TBL1XR1: variants seen among roughly 807,000 people sequenced by gnomAD.
The protein encoded by TBL1XR1 is TBL1X/Y related 1.
Under a neutral mutation model 66.9 loss-of-function variants are expected in TBL1XR1, and 5 were observed. That is an observed-to-expected ratio of 0.07 (90% CI 0.04 to 0.16). The LOEUF (loss-of-function observed/expected upper bound fraction) is 0.16, where lower values mean the gene tolerates loss of function less well. Among genes scored for constraint, TBL1XR1 ranks in the 10% least tolerant of loss-of-function variants. The pLI is 1.00. For missense variants in TBL1XR1, 238 were observed against 623.2 expected, an observed-to-expected ratio of 0.38 and a Z score of 6.58; for synonymous variants, 210 against 206.0, an observed-to-expected ratio of 1.02 and a Z score of -0.17.
chr3:177,031,279 T>C (rs1276443572), intron 14 of TBL1XR1, among the ~76,000 whole-genome samples: 5 of 151,892 alleles, frequency 3.3e-5, no homozygotes, highest in Admixed American at 6.6e-5. Flanking sequence ...ACAGCAAATA[T>C]GGGAGTAGAG....
chr3:177,082,180 G>A (rs1721477293), intron 2 of TBL1XR1, among the ~76,000 whole-genome samples: 1 of 152,016 alleles, frequency 6.6e-6, no homozygotes, highest in Non-Finnish European at 1.5e-5. Context: ...CTTTTACTTT[G>A]AGAAAGTTAT....
intron 1 of TBL1XR1, among the ~76,000 whole-genome samples, chr3:177,159,444 A>C (rs1731905667): frequency 6.6e-6 from 1 of 152,194 alleles, no homozygotes; most frequent in Non-Finnish European, 1.5e-5. Flanking sequence ...GAAATACTAT[A>C]GAAAAGTCAA....
At chr3:177,038,072 C>T (rs539678967) in intron 12 of TBL1XR1, 26 bp downstream of exon 12, 1 of 1,608,244 alleles carries the variant, frequency 6.2e-7, no homozygotes, top group Non-Finnish European at 8.5e-7. Flanking sequence ...CACCGCCAAC[C>T]CATTTCTCCC....
Position 177,047,411 on chromosome 3 carries a change from G to A in TBL1XR1, c.767-14C>T, listed in dbSNP as rs1435339472. On this transcript the variant is annotated splice_polypyrimidine_tract_variant and intron_variant, in intron 8 of 15. Transcript: ENST00000457928. ...TAGCAAGGTTACCTAAAATGCAAAA[G>A]AAAAACATTAACATTATTTTAAATT... 4 of 1,594,156 alleles carry A rather than the reference G, an allele frequency of 2.5e-6. No individual in the cohort carries two copies. Among genetic ancestry groups the A allele is most frequent in the Non-Finnish European group, 3.4e-6 (4 of 1,169,478 alleles).
chr3:177,049,742 A>C (rs1051848191), intron 7 of TBL1XR1, among the ~76,000 whole-genome samples: 1 of 152,200 alleles, frequency 6.6e-6, no homozygotes, highest in Admixed American at 6.5e-5. Context: ...TGAAGTACAG[A>C]GTAAAAAGTA....
At chr3:177,127,984 C>G (rs896344730) in intron 1 of TBL1XR1, among the ~76,000 whole-genome samples, 4 of 152,054 alleles carry the variant, frequency 2.6e-5, no homozygotes, top group Admixed American at 2.6e-4. Flanking sequence ...TTTGGGAGTC[C>G]GAAGCAAGCA....
At chr3:177,083,691 T>C (rs1254278062) in intron 2 of TBL1XR1, among the ~76,000 whole-genome samples, 1 of 152,232 alleles carries the variant, frequency 6.6e-6, no homozygotes, top group Non-Finnish European at 1.5e-5. Context: ...TATTTGTTGT[T>C]AATACATCTA....
chr3:177,196,859 G>C (rs1736926845), intron 1 of TBL1XR1, among the ~76,000 whole-genome samples: 1 of 151,916 alleles, frequency 6.6e-6, no homozygotes, highest in African/African-American at 2.4e-5. Context: ...CCGAGACCGG[G>C]AAAGGGTAGG....
At chr3:177,133,357 T>A (rs1315267604) in intron 1 of TBL1XR1, among the ~76,000 whole-genome samples, 1 of 152,126 alleles carries the variant, frequency 6.6e-6, no homozygotes, top group African/African-American at 2.4e-5. Flanking sequence ...TTATCTGTAT[T>A]TACCACCCCC....
chr3:177,170,695 C>A (rs75551939), intron 1 of TBL1XR1, among the ~76,000 whole-genome samples: 1 of 152,112 alleles, frequency 6.6e-6, no homozygotes, highest in Admixed American at 6.6e-5. Context: ...GTCTCCACTT[C>A]CCCAGCTCAA....
At chr3:177,158,961 A>C (rs1440002397) in intron 1 of TBL1XR1, among the ~76,000 whole-genome samples, 1 of 152,138 alleles carries the variant, frequency 6.6e-6, no homozygotes, top group African/African-American at 2.4e-5. Flanking sequence ...CCACCTCCAA[A>C]ACTAAGCTAT....
At chr3:177,050,288 G>T in intron 6 of TBL1XR1, 150 bp from the exon 7 acceptor site, 1 of 1,265,498 alleles carries the variant, frequency 7.9e-7, no homozygotes, top group East Asian at 2.4e-5. Flanking sequence ...TACACGTTGG[G>T]ACCCCCAAGC....
intron 1 of TBL1XR1, among the ~76,000 whole-genome samples, chr3:177,149,793 C>T (rs1277617729): frequency 6.6e-6 from 1 of 152,186 alleles, no homozygotes; most frequent in Non-Finnish European, 1.5e-5. Context: ...ATTACTGGAA[C>T]ACAGCCGTGC....
At chr3:177,188,288 G>A (rs1455714818) in intron 1 of TBL1XR1, among the ~76,000 whole-genome samples, 1 of 151,612 alleles carries the variant, frequency 6.6e-6, no homozygotes, top group Non-Finnish European at 1.5e-5. Context: ...GCTCACACCT[G>A]TAATCCCACC....
chr3:177,167,147 GATT>G (rs1480714471), intron 1 of TBL1XR1, among the ~76,000 whole-genome samples: 2 of 152,112 alleles, frequency 1.3e-5, no homozygotes, highest in East Asian at 1.9e-4. Context: ...GCAGACAATG[GATT>G]ATTATTCTAC....
At chr3:177,106,351 A>C (rs1255909768) in intron 1 of TBL1XR1, among the ~76,000 whole-genome samples, 2 of 152,240 alleles carry the variant, frequency 1.3e-5, no homozygotes, top group Non-Finnish European at 2.9e-5. Flanking sequence ...TCTAGTGGGC[A>C]CTTAGGCAAA....
At chr3:177,175,647 A>T (rs986852356) in intron 1 of TBL1XR1, among the ~76,000 whole-genome samples, 1 of 152,216 alleles carries the variant, frequency 6.6e-6, no homozygotes, top group Non-Finnish European at 1.5e-5. Context: ...GAGATTCAAC[A>T]TAACGTGTTA....
At chr3:177,113,004 A>AACAC (rs139383418) in intron 1 of TBL1XR1, among the ~76,000 whole-genome samples, 2,057 of 149,816 alleles carry the variant, frequency 0.014, 15 homozygotes, top group Non-Finnish European at 0.017. Flanking sequence ...ACTGTCTCAA[A>AACAC]ACACACACAC....
intron 1 of TBL1XR1, among the ~76,000 whole-genome samples, chr3:177,152,001 G>A (rs898325794): frequency 1.6e-4 from 25 of 152,102 alleles, no homozygotes; most frequent in Non-Finnish European, 3.1e-4. Flanking sequence ...TCCAGCCTGG[G>A]GCACAAGAGC....
Sources: allele counts gnomAD v4.1 joint callset (sites outside exome capture counted in the v4.1 genomes callset), GRCh38; gene constraint gnomAD v4.1.1; transcripts MANE v1.5; gene names NCBI Gene and HGNC (gene_info 2026-07-23, HGNC 2026-07-21).